Variants in DOCK4 observed in about 807,000 individuals in gnomAD.
The protein encoded by DOCK4 is dedicator of cytokinesis 4.
Under a neutral mutation model 268.1 loss-of-function variants are expected in DOCK4, and 97 were observed. The ratio of observed to expected loss-of-function variants is 0.36; its 90% CI spans 0.31 to 0.43. The LOEUF (loss-of-function observed/expected upper bound fraction) is 0.43, where lower values mean the gene tolerates loss of function less well. Ranked by LOEUF, DOCK4 falls within the 20% of genes least tolerant of loss-of-function variation. DOCK4 has a pLI of 1.00. For missense variants in DOCK4, 2,145 were observed against 2,455.7 expected, an observed-to-expected ratio of 0.87 and a Z score of 2.67; for synonymous variants, 954 against 887.2, an observed-to-expected ratio of 1.08 and a Z score of -1.34.
At chr7:111,742,606 T>C (rs1795992480) in intron 44 of DOCK4, among the ~76,000 whole-genome samples, 1 of 152,066 alleles carries the variant, frequency 6.6e-6, no homozygotes, top group Admixed American at 6.5e-5. Flanking sequence ...CATCCATCCC[T>C]CCCACAGACT....
rs1399706201 is a variant in DOCK4 at position 111,726,671 on chromosome 7, G to A, written c.*1603C>T. On this transcript the variant is annotated 3_prime_UTR_variant, in exon 53 of 53. Coordinates refer to ENST00000428084, the MANE Select transcript of DOCK4 (RefSeq NM_001363540.2). ...ATTGTAAAGTCAATATGGCAGAATTGTTAAAAGCACATATGTACAAATATT... is the reference window on the plus strand; with the variant it reads ...ATTGTAAAGTCAATATGGCAGAATTATTAAAAGCACATATGTACAAATATT... The A allele has an allele frequency of 6.6e-6, 1 of 152,584 alleles. No homozygotes were observed. The highest frequency in any genetic ancestry group is 1.5e-5 in the Non-Finnish European group (1 of 68,034). 9.5% of individuals were successfully genotyped at this position (152,584 alleles called of 1,614,324 possible).
intron 9 of DOCK4, among the ~76,000 whole-genome samples, chr7:111,945,311 G>A (rs559658840): frequency 3.3e-5 from 5 of 152,194 alleles, no homozygotes; most frequent in East Asian, 1.9e-4. Context: ...TCAGCCTCCC[G>A]AGTAACTGGG....
chr7:111,773,854 CA>C (rs1024584197), intron 36 of DOCK4, among the ~76,000 whole-genome samples: 199 of 139,884 alleles, frequency 1.4e-3, no homozygotes, highest in Middle Eastern at 3.7e-3. Flanking sequence ...CTGTCCCTAC[CA>C]AAAAAAAAAA....
chr7:112,023,926 A>C (rs1802552775), intron 1 of DOCK4, among the ~76,000 whole-genome samples: 1 of 152,362 alleles, frequency 6.6e-6, no homozygotes, highest in East Asian at 1.9e-4. Context: ...GCCAGCCAGC[A>C]GACTAAGTGA....
At chr7:111,935,010 A>ACAGAACAGTCACAAATCCAAGCATCAT (rs1794612054) in intron 12 of DOCK4, among the ~76,000 whole-genome samples, 1 of 151,508 alleles carries the variant, frequency 6.6e-6, no homozygotes, top group African/African-American at 2.4e-5. Context: ...GCAATGGCAC[A>ACAGAACAGTCACAAATCCAAGCATCAT]ATCTCAGCTC....
intron 1 of DOCK4, among the ~76,000 whole-genome samples, chr7:112,177,145 G>C (rs768552706): frequency 5.3e-5 from 8 of 152,176 alleles, no homozygotes; most frequent in Non-Finnish European, 8.8e-5. Context: ...TCGCAGAGTG[G>C]TGCCTGTCCC....
chr7:111,834,353 G>C (rs1290924082), intron 26 of DOCK4, among the ~76,000 whole-genome samples: 1 of 152,110 alleles, frequency 6.6e-6, no homozygotes, highest in African/African-American at 2.4e-5. Flanking sequence ...TTGATGACAG[G>C]TACTTCACAT....
At chr7:111,834,336 T>C (rs1450004091) in intron 26 of DOCK4, among the ~76,000 whole-genome samples, 1 of 152,218 alleles carries the variant, frequency 6.6e-6, no homozygotes, top group African/African-American at 2.4e-5. Flanking sequence ...TTCTAGTTTA[T>C]TGAACTTTGA....
chr7:111,830,413 G>T (rs557456132), intron 26 of DOCK4, among the ~76,000 whole-genome samples: 3 of 149,984 alleles, frequency 2.0e-5, no homozygotes, highest in Non-Finnish European at 2.9e-5. Flanking sequence ...GCGACAGAGC[G>T]AGACTCATTC....
intron 1 of DOCK4, among the ~76,000 whole-genome samples, chr7:112,118,279 T>G (rs1430107220): frequency 1.3e-5 from 2 of 152,254 alleles, no homozygotes; most frequent in East Asian, 1.9e-4. Context: ...TATATTCAAT[T>G]TTCTCCTTCT....
At chr7:112,031,250 C>G (rs73432727) in intron 1 of DOCK4, among the ~76,000 whole-genome samples, 3,888 of 152,314 alleles carry the variant, frequency 0.026, 146 homozygotes, top group African/African-American at 0.087. Flanking sequence ...GCATTGCCTA[C>G]CCAACTGAGA....
intron 8 of DOCK4, among the ~76,000 whole-genome samples, chr7:111,959,232 C>T (rs557869660): frequency 6.6e-6 from 1 of 152,170 alleles, no homozygotes; most frequent in East Asian, 1.9e-4. Flanking sequence ...GATGATATTG[C>T]CACAATCCAA....
At position 112,206,205 on chromosome 7, in the gene DOCK4, G is replaced by A. The variant is rs1220172286; in HGVS notation, c.-67C>T. ...CGCCCCTTCTCCGGCTCACAACAAT[G>A]CACAGTCCCCGAGCAGCGCTGCAGT... On this transcript the variant is annotated 5_prime_UTR_variant, in exon 1 of 53. Transcript: ENST00000428084. 1 of 1,500,986 alleles carries A rather than the reference G, an allele frequency of 6.7e-7. No homozygotes were observed. Among genetic ancestry groups the A allele is most frequent in the Non-Finnish European group, 9.1e-7 (1 of 1,101,270 alleles). 93.0% of individuals were successfully genotyped at this position (1,500,986 alleles called of 1,614,324 possible). A position where few individuals can be genotyped will look rare whatever the true frequency, so the allele number is the denominator to read the frequency against.
chr7:112,107,910 T>G (rs1265711065), intron 1 of DOCK4, among the ~76,000 whole-genome samples: 1 of 152,202 alleles, frequency 6.6e-6, no homozygotes. Context: ...GCTGGAAATG[T>G]CAGCCTGAGG....
chr7:111,867,822 T>G (rs909245342), intron 22 of DOCK4, among the ~76,000 whole-genome samples, 162 bp downstream of exon 22: 1 of 152,138 alleles, frequency 6.6e-6, no homozygotes, highest in African/African-American at 2.4e-5. Flanking sequence ...ACACAGAAGG[T>G]AGGGGAATTT....
chr7:111,781,585 G>T (rs893507426), intron 35 of DOCK4, among the ~76,000 whole-genome samples: 1 of 152,176 alleles, frequency 6.6e-6, no homozygotes, highest in Non-Finnish European at 1.5e-5. Flanking sequence ...GGATGCTTAG[G>T]TCTCACTATT....
chr7:112,145,667 C>T (rs1250689969), intron 1 of DOCK4, among the ~76,000 whole-genome samples: 2 of 152,142 alleles, frequency 1.3e-5, no homozygotes, highest in Non-Finnish European at 2.9e-5. Context: ...CACCAAATTT[C>T]AACCTCCCTC....
chr7:112,114,218 C>G (rs1811925206), intron 1 of DOCK4, among the ~76,000 whole-genome samples: 1 of 152,090 alleles, frequency 6.6e-6, no homozygotes, highest in South Asian at 2.1e-4. Context: ...ACGGTCATTC[C>G]CCACCACTAA....
chr7:111,810,212 G>A (rs1800992293), intron 28 of DOCK4, among the ~76,000 whole-genome samples: 1 of 152,146 alleles, frequency 6.6e-6, no homozygotes, highest in Non-Finnish European at 1.5e-5. Context: ...CCAGCACTTT[G>A]GGAGGCCGAG....
Sources: allele counts gnomAD v4.1 joint callset (sites outside exome capture counted in the v4.1 genomes callset), GRCh38; gene constraint gnomAD v4.1.1; transcripts MANE v1.5; gene names NCBI Gene and HGNC (gene_info 2026-07-23, HGNC 2026-07-21).